The following LPAR3 variants were observed in gnomAD, a reference collection of about 807,000 sequenced individuals.
LPAR3 encodes lysophosphatidic acid receptor 3.
In LPAR3, 7 loss-of-function variants were observed where a neutral mutation model predicts 17.8. The ratio of observed to expected loss-of-function variants is 0.39; its 90% confidence interval spans 0.22 to 0.74. The LOEUF is 0.74. Among genes scored for constraint, LPAR3 ranks in the 30% least tolerant of loss-of-function variants. The pLI, the probability that LPAR3 is intolerant of heterozygous loss-of-function variation, is 0.40. For missense variants in LPAR3, 391 were observed against 453.4 expected, an observed-to-expected ratio of 0.86 and a Z score of 1.25; for synonymous variants, 179 against 179.9, an observed-to-expected ratio of 0.99 and a Z score of 0.04.
rs921782887 is a variant in LPAR3, at chr1:84,893,123, G to C, written c.-126C>G. 1.3e-5 allele frequency: 2 copies of C among 152,070 alleles called. No individual in the cohort carries two copies. Among genetic ancestry groups the C allele is most frequent in the Admixed American group, 6.6e-5 (1 of 15,260 alleles). 9.4% of individuals were successfully genotyped at this position (152,070 alleles called of 1,614,324 possible). On this transcript the variant is annotated 5_prime_UTR_variant, in exon 1 of 3. Coordinates refer to ENST00000370611, the MANE Select transcript of LPAR3 (RefSeq NM_012152.3). ...GCGACCGGGCGCCGGGCTCCAGCCG[G>C]GCGCGGAGAAGCAGCGGAGGACGCG... is the stretch of plus-strand genomic sequence containing the variant.
intron 1 of LPAR3, among the ~76,000 whole-genome samples, chr1:84,880,744 C>G (rs1039980126): frequency 6.6e-6 from 1 of 152,196 alleles, no homozygotes; most frequent in Non-Finnish European, 1.5e-5. Flanking sequence ...ACCAGGGAAG[C>G]CACAGTTTGG....
intron 1 of LPAR3, among the ~76,000 whole-genome samples, chr1:84,887,133 G>A (rs1278068902): frequency 3.3e-5 from 5 of 152,140 alleles, no homozygotes; most frequent in Admixed American, 6.5e-5. Context: ...GGGAGGCCAA[G>A]GCAGGTGGAT....
At chr1:84,835,294 A>G (rs1659372430) in intron 2 of LPAR3, among the ~76,000 whole-genome samples, 1 of 152,186 alleles carries the variant, frequency 6.6e-6, no homozygotes, top group African/African-American at 2.4e-5. Context: ...CGTGCCTGCA[A>G]CTGCATGTCC....
intron 1 of LPAR3, among the ~76,000 whole-genome samples, chr1:84,891,156 C>A (rs969180390): frequency 1.8e-5 from 2 of 108,560 alleles, no homozygotes; most frequent in African/African-American, 3.6e-5. Context: ...TAGGTCTGAT[C>A]TGATAAAAAA....
At chr1:84,876,055 C>T (rs1399095185) in intron 1 of LPAR3, among the ~76,000 whole-genome samples, 1 of 152,134 alleles carries the variant, frequency 6.6e-6, no homozygotes, top group East Asian at 1.9e-4. Context: ...TTATTCTAAT[C>T]AAGGCTTCAA....
chr1:84,839,062 T>C (rs1254076844), intron 2 of LPAR3, among the ~76,000 whole-genome samples: 2 of 152,238 alleles, frequency 1.3e-5, no homozygotes, highest in Admixed American at 6.5e-5. Flanking sequence ...AAACCATTTT[T>C]ATGCATTCTG....
chr1:84,835,434 T>C (rs951133297), intron 2 of LPAR3, among the ~76,000 whole-genome samples: 2 of 152,032 alleles, frequency 1.3e-5, no homozygotes, highest in East Asian at 1.9e-4. Context: ...CTTTGTGGAG[T>C]TGTGATTCGC....
At chr1:84,866,864 T>G (rs1392099755) in intron 1 of LPAR3, among the ~76,000 whole-genome samples, 1 of 152,218 alleles carries the variant, frequency 6.6e-6, no homozygotes, top group Non-Finnish European at 1.5e-5. Flanking sequence ...TTTGTTCACT[T>G]CTTCCTTATA....
intron 1 of LPAR3, among the ~76,000 whole-genome samples, chr1:84,869,431 T>C (rs1404153810): frequency 6.6e-6 from 1 of 152,120 alleles, no homozygotes; most frequent in Non-Finnish European, 1.5e-5. Flanking sequence ...GAAAAAAAAC[T>C]TCGCATAGGA....
intron 2 of LPAR3, among the ~76,000 whole-genome samples, chr1:84,848,684 A>AGTTT (rs1308674148): frequency 6.6e-6 from 1 of 152,170 alleles, no homozygotes; most frequent in Non-Finnish European, 1.5e-5. Context: ...ACACAGTTTT[A>AGTTT]GTTTCTAAGC....
At chr1:84,833,407 C>T (rs1264401688) in intron 2 of LPAR3, among the ~76,000 whole-genome samples, 1 of 152,170 alleles carries the variant, frequency 6.6e-6, no homozygotes, top group Non-Finnish European at 1.5e-5. Context: ...CTTGTTTCCT[C>T]ATCTGTAAAA....
chr1:84,825,255 G>C (rs976317787), intron 2 of LPAR3, among the ~76,000 whole-genome samples: 1 of 152,190 alleles, frequency 6.6e-6, no homozygotes, highest in Admixed American at 6.5e-5. Context: ...AATTTAAGAC[G>C]CATGTCACCT....
intron 2 of LPAR3, 104 bp from the exon 3 acceptor site, chr1:84,814,275 G>C (rs553554171): frequency 1.1e-6 from 1 of 914,784 alleles, no homozygotes; most frequent in African/African-American, 1.7e-5. Flanking sequence ...GGGCCCTCAT[G>C]ATTTGTTTTG....
intron 2 of LPAR3, among the ~76,000 whole-genome samples, chr1:84,861,483 G>A (rs574913724): frequency 5.9e-5 from 9 of 152,054 alleles, no homozygotes; most frequent in Non-Finnish European, 1.2e-4. Context: ...TGTCATAAAG[G>A]ATAATTGAAC....
chr1:84,825,649 C>T (rs559501754), intron 2 of LPAR3, among the ~76,000 whole-genome samples: 48 of 152,188 alleles, frequency 3.2e-4, no homozygotes, highest in Admixed American at 5.9e-4. Flanking sequence ...ATTCTAGTCA[C>T]AAATCCATGA....
At chr1:84,825,208 G>A (rs1019462471) in intron 2 of LPAR3, among the ~76,000 whole-genome samples, 8 of 152,204 alleles carry the variant, frequency 5.3e-5, no homozygotes, top group Non-Finnish European at 1.0e-4. Flanking sequence ...AAACATGGAT[G>A]CTCTGCATTG....
chr1:84,850,483 A>G (rs1659681760), intron 2 of LPAR3, among the ~76,000 whole-genome samples: 1 of 151,846 alleles, frequency 6.6e-6, no homozygotes, highest in Non-Finnish European at 1.5e-5. Context: ...TCTACTCAGG[A>G]GGCTGAGGTG....
intron 2 of LPAR3, among the ~76,000 whole-genome samples, chr1:84,853,073 T>C (rs1419339512): frequency 7.3e-6 from 1 of 137,712 alleles, no homozygotes; most frequent in African/African-American, 2.7e-5. Context: ...CTGGGCAACA[T>C]AGGGAGACCC....
At chr1:84,884,370 A>C (rs1363655705) in intron 1 of LPAR3, among the ~76,000 whole-genome samples, 1 of 152,212 alleles carries the variant, frequency 6.6e-6, no homozygotes, top group African/African-American at 2.4e-5. Flanking sequence ...AATTAAATTT[A>C]TGTTCAAGCG....
Sources: allele counts gnomAD v4.1 joint callset (sites outside exome capture counted in the v4.1 genomes callset), GRCh38; gene constraint gnomAD v4.1.1; transcripts MANE v1.5; gene names NCBI Gene and HGNC (gene_info 2026-07-23, HGNC 2026-07-21).